SKAP1: variants seen among roughly 807,000 people sequenced by gnomAD.
SKAP1 encodes the protein src kinase associated phosphoprotein 1, also known as src kinase-associated phosphoprotein 1.
Under a neutral mutation model 58.5 loss-of-function variants are expected in SKAP1, and 44 were observed. The observed-to-expected ratio is 0.75, with a 90% confidence interval of 0.59 to 0.97. The LOEUF (loss-of-function observed/expected upper bound fraction) is 0.97. SKAP1 is among the 50% of genes least tolerant of loss of function. The probability of loss-of-function intolerance (pLI) is 0.00; values close to 1 mark genes in which losing one functional copy is unlikely to be tolerated. For synonymous variants in SKAP1, 127 were observed against 149.7 expected, an observed-to-expected ratio of 0.85 and a Z score of 1.11; for missense variants, 390 against 435.2, an observed-to-expected ratio of 0.90 and a Z score of 0.92.
chr17:48,322,312 T>C (rs928337539), intron 4 of SKAP1, among the ~76,000 whole-genome samples: 3 of 152,260 alleles, frequency 2.0e-5, no homozygotes. Flanking sequence ...AGGAAGAGAC[T>C]GAAATGTTTG....
intron 4 of SKAP1, among the ~76,000 whole-genome samples, chr17:48,278,076 AAC>A (rs1179123385): frequency 3.3e-5 from 5 of 152,210 alleles, no homozygotes; most frequent in Admixed American, 2.0e-4. Flanking sequence ...ATTACACACA[AAC>A]ACATATTCCT....
chr17:48,211,695 G>A (rs2064874620), intron 4 of SKAP1, among the ~76,000 whole-genome samples: 1 of 152,176 alleles, frequency 6.6e-6, no homozygotes, highest in Non-Finnish European at 1.5e-5. Flanking sequence ...TATCCAGGCT[G>A]AGCCTGATGA....
intron 4 of SKAP1, among the ~76,000 whole-genome samples, chr17:48,259,884 A>G (rs1348190766): frequency 6.6e-6 from 1 of 152,198 alleles, no homozygotes; most frequent in Non-Finnish European, 1.5e-5. Context: ...CCAAACTGCA[A>G]GTAGGTGGCA....
At chr17:48,279,110 C>T (rs1408531656) in intron 4 of SKAP1, among the ~76,000 whole-genome samples, 1 of 152,094 alleles carries the variant, frequency 6.6e-6, no homozygotes, top group Admixed American at 6.5e-5. Flanking sequence ...AGGATGAGGC[C>T]ACTTAACAGC....
intron 10 of SKAP1, among the ~76,000 whole-genome samples, chr17:48,165,714 T>A (rs1221818997): frequency 1.3e-5 from 2 of 152,086 alleles, no homozygotes; most frequent in Non-Finnish European, 2.9e-5. Flanking sequence ...TTGATTTCTG[T>A]AGAGCAGAGA....
rs1287560564 is a variant in SKAP1 at position 48,137,300 on chromosome 17, T to G, written c.1016A>C (p.Asn339Thr). 2 of 1,613,858 alleles carry G rather than the reference T, an allele frequency of 1.2e-6. No individual in the cohort carries two copies. Among genetic ancestry groups the G allele is most frequent in the Non-Finnish European group, 1.7e-6 (2 of 1,179,794 alleles). The change falls in exon 12 of 13, where the codon AAC becomes ACC. Residue 339 changes from asparagine (N) to threonine (T), a missense_variant. Coordinates refer to ENST00000336915, the MANE Select transcript of SKAP1 (RefSeq NM_003726.4). Reference protein sequence around the residue: ...NMYGWWVGELNSLVGIVPKEY... With the variant: ...NMYGWWVGELTSLVGIVPKEY... ...CTTTGGAACAATCCCAACGAGGCTG[T>G]TCAGTTCTCCCACCCACCAGCCATA...
chr17:48,331,802 G>A (rs1192245090), intron 4 of SKAP1, among the ~76,000 whole-genome samples: 3 of 152,006 alleles, frequency 2.0e-5, no homozygotes, highest in Non-Finnish European at 4.4e-5. Flanking sequence ...GCCATATATG[G>A]CTTTTTTAGT....
chr17:48,304,380 T>C (rs1489737250), intron 4 of SKAP1, among the ~76,000 whole-genome samples: 1 of 152,178 alleles, frequency 6.6e-6, no homozygotes, highest in Non-Finnish European at 1.5e-5. Flanking sequence ...GAAAGCAATG[T>C]AGATAAGCAA....
chr17:48,331,804 T>G (rs752177060), intron 4 of SKAP1, among the ~76,000 whole-genome samples: 44 of 152,150 alleles, frequency 2.9e-4, no homozygotes, highest in Non-Finnish European at 5.3e-4. Context: ...CATATATGGC[T>G]TTTTTAGTAA....
intron 11 of SKAP1, among the ~76,000 whole-genome samples, chr17:48,145,161 T>C (rs2063813348): frequency 6.6e-6 from 1 of 152,164 alleles, no homozygotes; most frequent in African/African-American, 2.4e-5. Context: ...TCATAAATAT[T>C]TCTAGGTTTG....
At chr17:48,212,032 G>T (rs1006212820) in intron 4 of SKAP1, among the ~76,000 whole-genome samples, 7 of 150,616 alleles carry the variant, frequency 4.6e-5, no homozygotes, top group African/African-American at 1.7e-4. Flanking sequence ...GTTCTGGGCA[G>T]CCACGAACCC....
chr17:48,303,704 G>T (rs1203663725), intron 4 of SKAP1, among the ~76,000 whole-genome samples: 3 of 152,010 alleles, frequency 2.0e-5, no homozygotes, highest in Non-Finnish European at 4.4e-5. Context: ...ACAGGCTTGG[G>T]GAAAAACCTT....
intron 11 of SKAP1, among the ~76,000 whole-genome samples, chr17:48,159,559 G>A (rs990000811): frequency 6.6e-6 from 1 of 152,202 alleles, no homozygotes; most frequent in East Asian, 1.9e-4. Flanking sequence ...GGCGTGAGAG[G>A]CAGCTGCAGA....
intron 4 of SKAP1, among the ~76,000 whole-genome samples, chr17:48,334,815 G>T (rs1389316236): frequency 6.6e-6 from 1 of 151,602 alleles, no homozygotes; most frequent in Non-Finnish European, 1.5e-5. Flanking sequence ...GTGCTCATAG[G>T]AATGTTAATA....
At chr17:48,197,746 C>T (rs2064657500) in intron 4 of SKAP1, among the ~76,000 whole-genome samples, 1 of 152,160 alleles carries the variant, frequency 6.6e-6, no homozygotes, top group Non-Finnish European at 1.5e-5. Flanking sequence ...AAACTGGTTT[C>T]TTTTCATAAA....
intron 4 of SKAP1, among the ~76,000 whole-genome samples, chr17:48,202,731 T>C (rs1164814744): frequency 6.6e-6 from 1 of 151,988 alleles, no homozygotes; most frequent in Non-Finnish European, 1.5e-5. Flanking sequence ...AATCTCAATA[T>C]CTATTTGCAC....
intron 11 of SKAP1, among the ~76,000 whole-genome samples, chr17:48,157,250 T>C (rs1365186882): frequency 3.9e-5 from 6 of 152,112 alleles, no homozygotes; most frequent in Non-Finnish European, 7.4e-5. Flanking sequence ...TTTTTTTTTT[T>C]TTTGAGACGG....
chr17:48,151,063 G>A (rs1263893694), intron 11 of SKAP1, among the ~76,000 whole-genome samples: 1 of 145,474 alleles, frequency 6.9e-6, no homozygotes, highest in Non-Finnish European at 1.5e-5. Flanking sequence ...ACAGAAGGAG[G>A]AAAACATTTA....
chr17:48,189,962 G>A (rs2064516833), intron 4 of SKAP1, among the ~76,000 whole-genome samples: 2 of 152,014 alleles, frequency 1.3e-5, no homozygotes, highest in Non-Finnish European at 2.9e-5. Context: ...ACAGACGTGA[G>A]CCACCACACC....
Sources: gnomAD v4.1 joint callset for allele counts (sites outside exome capture counted in the v4.1 genomes callset) on GRCh38, gnomAD v4.1.1 for gene constraint, MANE v1.5 for transcripts, NCBI Gene and HGNC (gene_info 2026-07-23, HGNC 2026-07-21) for gene names.